Variants in CAMKMT observed in about 807,000 individuals in gnomAD.
CAMKMT encodes the protein CaM KMT.
A neutral mutation model predicts 48.0 loss-of-function variants in CAMKMT; 53 were observed. That is an observed-to-expected ratio of 1.10 (90% CI 0.89 to 1.39). The LOEUF is 1.39. Among genes scored for constraint, CAMKMT ranks in the 40% most tolerant of loss-of-function variants. The pLI, the probability that CAMKMT is intolerant of heterozygous loss-of-function variation, is 0.00. For synonymous variants in CAMKMT, 165 were observed against 152.3 expected (o/e 1.08, Z -0.61); for missense variants, 428 against 402.7 (o/e 1.06, Z -0.54).
intron 3 of CAMKMT, among the ~76,000 whole-genome samples, chr2:44,525,966 T>C (rs1016703723): frequency 1.7e-4 from 26 of 152,186 alleles, no homozygotes; most frequent in Non-Finnish European, 2.9e-4. Context: ...CATTAACTCG[T>C]CATTTAGCAT....
chr2:44,426,335 C>G (rs80355326), intron 3 of CAMKMT, among the ~76,000 whole-genome samples: 4,673 of 152,118 alleles, frequency 0.031, 204 homozygotes, highest in African/African-American at 0.1. Flanking sequence ...AAGTCTTAAC[C>G]AGAGCAATCA....
chr2:44,667,043 C>G (rs2104107752), intron 3 of CAMKMT, among the ~76,000 whole-genome samples: 1 of 152,316 alleles, frequency 6.6e-6, no homozygotes, highest in South Asian at 2.1e-4. Context: ...TATAGCCATA[C>G]TCATCTAGGG....
intron 3 of CAMKMT, among the ~76,000 whole-genome samples, chr2:44,392,843 A>C (rs889268266): frequency 3.3e-5 from 5 of 152,090 alleles, no homozygotes; most frequent in African/African-American, 1.2e-4. Context: ...TCAGTTCATA[A>C]ATCACCACCA....
chr2:44,401,939 C>A (rs1336118401), intron 3 of CAMKMT, among the ~76,000 whole-genome samples: 1 of 151,976 alleles, frequency 6.6e-6, no homozygotes, highest in African/African-American at 2.4e-5. Context: ...TTTGTTTGGT[C>A]TGTTGTTTTG....
intron 2 of CAMKMT, among the ~76,000 whole-genome samples, chr2:44,374,447 G>A (rs1000658455): frequency 3.9e-5 from 6 of 152,206 alleles, no homozygotes; most frequent in Non-Finnish European, 5.9e-5. Flanking sequence ...TGATCCAGTA[G>A]GGGTCTTTAG....
chr2:44,629,531 A>G (rs1163509549), intron 3 of CAMKMT, among the ~76,000 whole-genome samples: 3 of 150,160 alleles, frequency 2.0e-5, no homozygotes, highest in South Asian at 2.1e-4. Context: ...CACCTCCACA[A>G]TGGCTCAAGC....
chr2:44,624,227 C>T (rs1005120333), intron 3 of CAMKMT, among the ~76,000 whole-genome samples: 4 of 152,076 alleles, frequency 2.6e-5, no homozygotes, highest in African/African-American at 7.2e-5. Flanking sequence ...GACATTTGTG[C>T]ACAAGATTTT....
At chr2:44,714,941 C>T (rs1203746618) in intron 6 of CAMKMT, among the ~76,000 whole-genome samples, 1 of 152,144 alleles carries the variant, frequency 6.6e-6, no homozygotes, top group Non-Finnish European at 1.5e-5. Context: ...CACCTGTAAT[C>T]CCAGTATTTT....
chr2:44,506,646 C>G (rs1670276058), intron 3 of CAMKMT, among the ~76,000 whole-genome samples: 1 of 152,006 alleles, frequency 6.6e-6, no homozygotes, highest in Non-Finnish European at 1.5e-5. Flanking sequence ...CTGGTAAACC[C>G]AGATTTTTAG....
chr2:44,441,204 T>G (rs1666636580), intron 3 of CAMKMT, among the ~76,000 whole-genome samples: 1 of 152,238 alleles, frequency 6.6e-6, no homozygotes. Context: ...CAGTTTGAGG[T>G]ACTTGAAGTT....
intron 3 of CAMKMT, among the ~76,000 whole-genome samples, chr2:44,632,719 C>A (rs1672905093): frequency 6.6e-6 from 1 of 152,152 alleles, no homozygotes; most frequent in Non-Finnish European, 1.5e-5. Flanking sequence ...AGGCAGACTC[C>A]CTTTAATCTG....
At chr2:44,382,826 G>A (rs1680390747) in intron 2 of CAMKMT, among the ~76,000 whole-genome samples, 1 of 152,264 alleles carries the variant, frequency 6.6e-6, no homozygotes, top group South Asian at 2.1e-4. Flanking sequence ...CTGGGCCTCT[G>A]TGGCAGAAAT....
chr2:44,612,678 T>C (rs1020427686), intron 3 of CAMKMT, among the ~76,000 whole-genome samples: 7 of 152,092 alleles, frequency 4.6e-5, no homozygotes, highest in Non-Finnish European at 1.0e-4. Context: ...CACCAAAAAA[T>C]CAACATTGGC....
At chr2:44,513,298 C>T (rs2104775321) in intron 3 of CAMKMT, among the ~76,000 whole-genome samples, 1 of 135,496 alleles carries the variant, frequency 7.4e-6, no homozygotes, top group East Asian at 2.3e-4. Flanking sequence ...GGGACTGGAA[C>T]ATAGGAGTGT....
chr2:44,461,390 A>G (rs1667843184), intron 3 of CAMKMT, among the ~76,000 whole-genome samples: 1 of 152,174 alleles, frequency 6.6e-6, no homozygotes, highest in Admixed American at 6.5e-5. Context: ...GGAAATTGAG[A>G]CAATAAATGT....
intron 3 of CAMKMT, among the ~76,000 whole-genome samples, chr2:44,596,252 C>T (rs959239476): frequency 3.3e-5 from 5 of 151,828 alleles, no homozygotes; most frequent in Admixed American, 1.3e-4. Flanking sequence ...AGTTCGAGAC[C>T]AGCCTGGCCA....
At chr2:44,741,786 A>G (rs1573212537) in intron 7 of CAMKMT, among the ~76,000 whole-genome samples, 1 of 152,066 alleles carries the variant, frequency 6.6e-6, no homozygotes, top group South Asian at 2.1e-4. Flanking sequence ...CGCTGCTTAG[A>G]CCCCTATCTC....
chr2:44,609,195 G>A (rs1329206810), intron 3 of CAMKMT, among the ~76,000 whole-genome samples: 2 of 152,236 alleles, frequency 1.3e-5, no homozygotes, highest in Non-Finnish European at 2.9e-5. Context: ...AGAGACTGGG[G>A]TGGTTAATGT....
chr2:44,503,382 T>G (rs1254500397), intron 3 of CAMKMT, among the ~76,000 whole-genome samples: 1 of 152,174 alleles, frequency 6.6e-6, no homozygotes, highest in South Asian at 2.1e-4. Flanking sequence ...GATGGTCTAT[T>G]GGGAAATCAG....
Sources: allele counts gnomAD v4.1 joint callset (sites outside exome capture counted in the v4.1 genomes callset), GRCh38; gene constraint gnomAD v4.1.1; transcripts MANE v1.5; gene names NCBI Gene and HGNC (gene_info 2026-07-23, HGNC 2026-07-21).